SPOCK3: variants seen among roughly 807,000 people sequenced by gnomAD.
SPOCK3 encodes the protein testican-3.
In SPOCK3, 30 loss-of-function variants were observed where a neutral mutation model predicts 56.6. The observed-to-expected ratio is 0.53, with a 90% CI of 0.40 to 0.72. The LOEUF (loss-of-function observed/expected upper bound fraction) is 0.72, where lower values mean the gene tolerates loss of function less well. Ranked by LOEUF, SPOCK3 falls within the 30% of genes least tolerant of loss-of-function variation. The pLI is 0.00. For missense variants in SPOCK3, 527 were observed against 530.0 expected, an observed-to-expected ratio of 0.99 and a Z score of 0.06; for synonymous variants, 196 against 183.3, an observed-to-expected ratio of 1.07 and a Z score of -0.56.
chr4:167,050,401 A>G (rs1321638447), intron 3 of SPOCK3, among the ~76,000 whole-genome samples: 2 of 152,204 alleles, frequency 1.3e-5, no homozygotes, highest in Non-Finnish European at 2.9e-5. Flanking sequence ...ATTTAAAATA[A>G]TAATAATGTT....
intron 4 of SPOCK3, among the ~76,000 whole-genome samples, chr4:166,926,908 C>T (rs528413382): frequency 2.4e-4 from 37 of 152,004 alleles, no homozygotes; most frequent in African/African-American, 6.3e-4. Context: ...TCAACATTTC[C>T]GTAAGGTGTG....
intron 4 of SPOCK3, among the ~76,000 whole-genome samples, chr4:166,982,419 G>T (rs1240746992): frequency 6.6e-6 from 1 of 152,154 alleles, no homozygotes; most frequent in African/African-American, 2.4e-5. Flanking sequence ...TAGACGTGGT[G>T]GTAGGCGCCG....
chr4:167,084,660 C>A (rs750824712), intron 2 of SPOCK3, among the ~76,000 whole-genome samples: 1 of 152,066 alleles, frequency 6.6e-6, no homozygotes, highest in Non-Finnish European at 1.5e-5. Flanking sequence ...GAGGGATCCA[C>A]ACTAAAGGAG....
chr4:167,018,763 C>T (rs1423676893), intron 3 of SPOCK3, among the ~76,000 whole-genome samples: 1 of 151,848 alleles, frequency 6.6e-6, no homozygotes, highest in Non-Finnish European at 1.5e-5. Context: ...TCTGTTTGGT[C>T]CATTTGGAAT....
At chr4:166,815,291 A>G (rs1258669709) in intron 6 of SPOCK3, among the ~76,000 whole-genome samples, 3 of 150,442 alleles carry the variant, frequency 2.0e-5, no homozygotes, top group Non-Finnish European at 2.9e-5. Context: ...ACCTATGACC[A>G]CAAAACTGTA....
chr4:166,956,808 C>G (rs529182662), intron 4 of SPOCK3, among the ~76,000 whole-genome samples: 6 of 152,118 alleles, frequency 3.9e-5, no homozygotes, highest in African/African-American at 1.4e-4. Context: ...AGTTGAGAAC[C>G]CTTCTCAACT....
intron 4 of SPOCK3, among the ~76,000 whole-genome samples, chr4:166,961,065 G>A (rs552756513): frequency 9.2e-5 from 14 of 152,020 alleles, no homozygotes; most frequent in Admixed American, 3.3e-4. Context: ...TTAACAAAAT[G>A]GATAAATATG....
intron 6 of SPOCK3, among the ~76,000 whole-genome samples, chr4:166,823,989 G>T (rs976881289): frequency 6.6e-6 from 1 of 151,964 alleles, no homozygotes; most frequent in African/African-American, 2.4e-5. Context: ...GCAGTATTAA[G>T]TCCCTAAGCT....
chr4:166,829,429 G>GT (rs1450951676), intron 6 of SPOCK3, among the ~76,000 whole-genome samples: 10 of 151,820 alleles, frequency 6.6e-5, no homozygotes, highest in Admixed American at 3.9e-4. Context: ...CTATTTTTCT[G>GT]TTTTTTCCAA....
chr4:166,845,895 G>T (rs1171926573), intron 6 of SPOCK3, among the ~76,000 whole-genome samples: 1 of 152,100 alleles, frequency 6.6e-6, no homozygotes, highest in Non-Finnish European at 1.5e-5. Context: ...ATCACAGAAT[G>T]CACTTACCTA....
In SPOCK3 at chr4:167,234,014, C is replaced by T. The variant is rs1737464202; in HGVS notation, c.160G>A (p.Glu54Lys). 1 of 1,613,888 alleles carries T rather than the reference C, an allele frequency of 6.2e-7. No individual in the cohort carries two copies. The highest frequency in any genetic ancestry group is 1.7e-5 in the Admixed American group (1 of 59,998). ...CGGAATTTGTTCCACTGTCCGACTT[C>T]CTTGTCATACTGAGAGATTGTGGTG... ...WLTTISQYDK[E>K]VGQWNKFRDD... Residue 54 changes from glutamate to lysine, a missense_variant, in exon 2 of 11, where the codon GAA becomes AAA. Glu to Lys is a moderately conservative substitution (Grantham distance 56, BLOSUM62 1). Coordinates refer to ENST00000357545, the MANE Select transcript of SPOCK3 (RefSeq NM_001040159.2).
intron 4 of SPOCK3, among the ~76,000 whole-genome samples, chr4:166,929,418 C>T (rs576841329): frequency 1.3e-5 from 2 of 152,124 alleles, no homozygotes; most frequent in Non-Finnish European, 1.5e-5. Flanking sequence ...ATTGTGCTCA[C>T]AATGTAGGTG....
rs1396789134 is a variant in SPOCK3 at position 166,734,158 on chromosome 4, G to T, written c.*763C>A. The T allele has an allele frequency of 6.6e-6, 1 of 151,698 alleles. No homozygotes were observed. The highest frequency in any genetic ancestry group is 1.5e-5 in the Non-Finnish European group (1 of 67,796). 9.4% of individuals were successfully genotyped at this position (151,698 alleles called of 1,614,324 possible). The stretch of plus-strand genomic sequence containing the variant: ...TTTAAATTCTGCTCCCTAAGTTGCT[G>T]GTCAGAAAGATAAAGAAATCTAGAA... On this transcript the variant is annotated 3_prime_UTR_variant, in exon 11 of 11. Coordinates refer to ENST00000357545, the MANE Select transcript of SPOCK3 (RefSeq NM_001040159.2).
At chr4:167,222,522 CAT>C (rs1050181109) in intron 2 of SPOCK3, among the ~76,000 whole-genome samples, 11 of 134,840 alleles carry the variant, frequency 8.2e-5, no homozygotes, top group Non-Finnish European at 1.6e-4. Flanking sequence ...TAATATATAA[CAT>C]GTATGTTATA....
chr4:166,737,479 C>T lies in SPOCK3; in HGVS notation c.1120G>A (p.Val374Ile), dbSNP rs772362822. ...CCCTTCTCCTTACCACAATCTGCAACACCATTTATTCTGGATCCCATGACT... is the reference window on the plus strand; with the variant it reads ...CCCTTCTCCTTACCACAATCTGCAATACCATTTATTCTGGATCCCATGACT... ...NEVMGSRING[V>I]ADCAIDFEIS... The change falls in exon 10 of 11, where the codon GTT becomes ATT. Residue 374 changes from valine to isoleucine, a missense_variant. Val to Ile is a conservative substitution (Grantham distance 29). Coordinates refer to ENST00000357545, the MANE Select transcript of SPOCK3 (RefSeq NM_001040159.2). The T allele has an allele frequency of 6.2e-6, 10 of 1,612,714 alleles. No homozygotes were observed. The East Asian group carries it at 8.9e-5, about 14-fold the overall frequency.
At chr4:166,900,188 A>C (rs1460568603) in intron 5 of SPOCK3, among the ~76,000 whole-genome samples, 1 of 152,154 alleles carries the variant, frequency 6.6e-6, no homozygotes, top group Admixed American at 6.5e-5. Context: ...TTTAAAACTA[A>C]TCTGTGTCAT....
At chr4:167,059,970 G>A (rs1461203891) in intron 3 of SPOCK3, among the ~76,000 whole-genome samples, 2 of 151,200 alleles carry the variant, frequency 1.3e-5, no homozygotes, top group Admixed American at 1.3e-4. Flanking sequence ...CATGGACACA[G>A]GAAGGGGAAC....
At chr4:167,004,378 T>C (rs750624010) in intron 3 of SPOCK3, among the ~76,000 whole-genome samples, 2 of 152,120 alleles carry the variant, frequency 1.3e-5, no homozygotes, top group African/African-American at 4.8e-5. Context: ...GAATGGCAGA[T>C]AGTTCAGGAC....
chr4:167,187,381 C>T (rs1732090531), intron 2 of SPOCK3, among the ~76,000 whole-genome samples: 1 of 151,498 alleles, frequency 6.6e-6, no homozygotes, highest in Non-Finnish European at 1.5e-5. Context: ...CTCTTTCTTA[C>T]ATTTTTTTCT....
Sources: allele counts gnomAD v4.1 joint callset (sites outside exome capture counted in the v4.1 genomes callset), GRCh38; gene constraint gnomAD v4.1.1; transcripts MANE v1.5; gene names NCBI Gene and HGNC (gene_info 2026-07-23, HGNC 2026-07-21).